Variants in RC3H2 observed in about 807,000 individuals in gnomAD.
RC3H2 encodes ring finger and CCCH-type domains 2.
In RC3H2, 31 loss-of-function variants were observed where a neutral mutation model predicts 133.3. That is an observed-to-expected ratio of 0.23 (90% CI 0.17 to 0.31). The LOEUF is 0.31. Among genes scored for constraint, RC3H2 ranks in the 10% least tolerant of loss-of-function variants. RC3H2 has a pLI of 1.00. For synonymous variants in RC3H2, 517 were observed against 502.2 expected (o/e 1.03, Z -0.40); for missense variants, 1,175 against 1,437.2 (o/e 0.82, Z 2.95).
chr9:122,865,145 T>TC (rs1230382715), intron 10 of RC3H2, among the ~76,000 whole-genome samples: 1 of 152,202 alleles, frequency 6.6e-6, no homozygotes, highest in Admixed American at 6.5e-5. Flanking sequence ...AAAGTCACTT[T>TC]CCCACTTTCC....
At chr9:122,894,335 T>C (rs563158095) in intron 2 of RC3H2, among the ~76,000 whole-genome samples, 14 of 151,970 alleles carry the variant, frequency 9.2e-5, no homozygotes, top group Non-Finnish European at 1.5e-4. Flanking sequence ...GACACAGTTA[T>C]AGGTACCAGG....
intron 1 of RC3H2, among the ~76,000 whole-genome samples, chr9:122,901,928 CT>C (rs542589870): frequency 2.7e-3 from 312 of 116,874 alleles, no homozygotes; most frequent in East Asian, 0.011. Context: ...ATAACTACTT[CT>C]TTTTTTTTTT....
intron 5 of RC3H2, 65 bp from the exon 6 acceptor site, chr9:122,880,859 A>G (rs1412665003): frequency 2.5e-6 from 3 of 1,214,514 alleles, no homozygotes; most frequent in Non-Finnish European, 2.4e-6. Context: ...TGATTCGTTT[A>G]TTCCTTTTTC....
At chr9:122,889,848 C>T (rs780057937) in intron 4 of RC3H2, among the ~76,000 whole-genome samples, 1 of 152,036 alleles carries the variant, frequency 6.6e-6, no homozygotes, top group African/African-American at 2.4e-5. Flanking sequence ...TTAATAAAAA[C>T]GGATTTATAT....
At chr9:122,859,252 CTTTTTTT>C (rs10608695) in intron 11 of RC3H2, 150 bp from the exon 12 acceptor site, 927 of 189,726 alleles carry the variant, frequency 4.9e-3, no homozygotes, top group South Asian at 6.3e-3. Flanking sequence ...TATACCCTGG[CTTTTTTT>C]TTTTTTTTTT....
intron 9 of RC3H2, chr9:122,875,104 T>C: frequency 7.2e-7 from 1 of 1,383,494 alleles, no homozygotes; most frequent in Non-Finnish European, 9.5e-7. Flanking sequence ...CAAATTATCT[T>C]GATGTGAAAT....
chr9:122,866,330 T>A lies in RC3H2; in HGVS notation c.1326-673A>T, dbSNP rs374485179. Among the ~76,000 whole-genome samples, 15 of 149,692 alleles carry A rather than the reference T, an allele frequency of 1.0e-4. No homozygotes were observed. In the East Asian group the frequency reaches 2.8e-3, roughly 28 times the overall value. On this transcript the variant is annotated intron_variant, in intron 9 of 20. Transcript: ENST00000357244. ...ATACACAAAAGGACTGGCAATTTGATTTTGGATTCCATTTAAGAAAATGTC... is the reference window on the plus strand; with the variant it reads ...ATACACAAAAGGACTGGCAATTTGAATTTGGATTCCATTTAAGAAAATGTC...
At chr9:122,887,438 C>T (rs1027816025) in intron 4 of RC3H2, among the ~76,000 whole-genome samples, 1 of 152,108 alleles carries the variant, frequency 6.6e-6, no homozygotes, top group African/African-American at 2.4e-5. Context: ...CCCACCTCAG[C>T]CTCCCAAAGT....
intron 8 of RC3H2, 60 bp from the exon 9 acceptor site, chr9:122,877,643 T>C: frequency 7.8e-7 from 1 of 1,285,012 alleles, no homozygotes; most frequent in Non-Finnish European, 1.1e-6. Flanking sequence ...TGTTATTCAC[T>C]CTAGGAAGTT....
chr9:122,864,644 AGT>A (rs1830571783), intron 10 of RC3H2, among the ~76,000 whole-genome samples: 1 of 150,736 alleles, frequency 6.6e-6, no homozygotes, highest in Non-Finnish European at 1.5e-5. Context: ...TTTTTGAGAC[AGT>A]GTCTCACTCT....
At chr9:122,854,843 T>C (rs2131386238) in intron 15 of RC3H2, among the ~76,000 whole-genome samples, 1 of 152,214 alleles carries the variant, frequency 6.6e-6, no homozygotes, top group Admixed American at 6.5e-5. Flanking sequence ...GTGGCTCACA[T>C]ATGTAATCCC....
At chr9:122,899,373 A>G (rs1832566436) in intron 1 of RC3H2, among the ~76,000 whole-genome samples, 1 of 152,060 alleles carries the variant, frequency 6.6e-6, no homozygotes, top group Non-Finnish European at 1.5e-5. Flanking sequence ...TGCAGGCGTG[A>G]GCCACCGCGC....
chr9:122,890,768 C>T, intron 3 of RC3H2, among the ~76,000 whole-genome samples: 1 of 152,066 alleles, frequency 6.6e-6, no homozygotes, highest in Middle Eastern at 3.4e-3. Context: ...GTAAAAATGA[C>T]TCTATTTTTT....
chr9:122,869,711 G>A (rs959119715), intron 9 of RC3H2, among the ~76,000 whole-genome samples: 18 of 151,714 alleles, frequency 1.2e-4, no homozygotes, highest in East Asian at 1.9e-4. Flanking sequence ...CATTATAGGC[G>A]CGCGCCTGCC....
At chr9:122,904,544 A>G (rs1404364750) in intron 1 of RC3H2, among the ~76,000 whole-genome samples, 1 of 152,224 alleles carries the variant, frequency 6.6e-6, no homozygotes, top group East Asian at 1.9e-4. Flanking sequence ...GCCATAGCAG[A>G]ATTTCCTGGC....
chr9:122,903,587 A>T (rs1045668010), intron 1 of RC3H2, among the ~76,000 whole-genome samples: 7 of 152,210 alleles, frequency 4.6e-5, no homozygotes, highest in African/African-American at 1.7e-4. Flanking sequence ...ATCAGGGGTA[A>T]CTCAAAGGAT....
At chr9:122,894,090 T>C (rs887439206) in intron 2 of RC3H2, among the ~76,000 whole-genome samples, 3 of 151,946 alleles carry the variant, frequency 2.0e-5, no homozygotes, top group Non-Finnish European at 4.4e-5. Context: ...AAACCCTGTA[T>C]CTACTAAAAA....
In RC3H2 at chr9:122,890,391, T is replaced by C. The variant is rs1832113253; in HGVS notation, c.504A>G (p.Leu168=). 1 of 1,614,136 alleles carries C rather than the reference T, an allele frequency of 6.2e-7. No individual in the cohort carries two copies. The highest frequency in any genetic ancestry group is 1.1e-5 in the South Asian group (1 of 91,086). The change falls in exon 4 of 21, where the codon TTA becomes TTG. Residue 168 remains leucine (L), a synonymous_variant. Transcript: ENST00000357244. Reference sequence around the variant, plus strand: ...ACAACTGCTGAGGGTTCTGGTGCTGTAATATCAGTTCTGTTACAGTTCTTT... The same window carrying C: ...ACAACTGCTGAGGGTTCTGGTGCTGCAATATCAGTTCTGTTACAGTTCTTT... ...LGERTVTELI[L]QHQNPQQLSA...
chr9:122,853,842 C>G, intron 18 of RC3H2, 110 bp downstream of exon 18: 8 of 1,583,634 alleles, frequency 5.1e-6, no homozygotes, highest in Non-Finnish European at 6.9e-6. Flanking sequence ...AGCAATCAAT[C>G]ATCCATCAGA....
Sources: allele counts gnomAD v4.1 joint callset (sites outside exome capture counted in the v4.1 genomes callset), GRCh38; gene constraint gnomAD v4.1.1; transcripts MANE v1.5; gene names NCBI Gene and HGNC (gene_info 2026-07-23, HGNC 2026-07-21).